SKAP1: variants seen among roughly 807,000 people sequenced by gnomAD.
The protein encoded by SKAP1 is src kinase-associated phosphoprotein 1.
A neutral mutation model predicts 58.5 loss-of-function variants in SKAP1; 44 were observed. That is an observed-to-expected ratio of 0.75 (90% CI 0.59 to 0.97). The LOEUF is 0.97. Ranked by LOEUF, SKAP1 falls within the 50% of genes least tolerant of loss-of-function variation. The probability of loss-of-function intolerance (pLI) is 0.00; values close to 1 mark genes in which losing one functional copy is unlikely to be tolerated. For synonymous variants in SKAP1, 127 were observed against 149.7 expected (o/e 0.85, Z 1.11); for missense variants, 390 against 435.2 (o/e 0.90, Z 0.92).
chr17:48,183,162 G>A (rs933901888), intron 7 of SKAP1, among the ~76,000 whole-genome samples: 2 of 152,136 alleles, frequency 1.3e-5, no homozygotes, highest in Non-Finnish European at 2.9e-5. Context: ...CAAAAGGAGT[G>A]GGGGATTCTT....
intron 4 of SKAP1, among the ~76,000 whole-genome samples, chr17:48,261,532 G>C (rs1223733882): frequency 1.3e-5 from 2 of 152,144 alleles, no homozygotes; most frequent in African/African-American, 2.4e-5. Context: ...CTGTGTGATG[G>C]GCGGTCACCT....
chr17:48,237,796 G>A (rs1215734726), intron 4 of SKAP1, among the ~76,000 whole-genome samples: 3 of 152,138 alleles, frequency 2.0e-5, no homozygotes, highest in Admixed American at 2.0e-4. Flanking sequence ...AAGAGAGATA[G>A]AATCTAGGAC....
intron 4 of SKAP1, chr17:48,248,831 T>C (rs1302338192): frequency 1.3e-5 from 2 of 152,160 alleles, no homozygotes; most frequent in Admixed American, 1.3e-4. Context: ...TTTCTATCAA[T>C]GAACAGGGTT....
At chr17:48,292,387 C>A (rs1300480230) in intron 4 of SKAP1, among the ~76,000 whole-genome samples, 4 of 151,954 alleles carry the variant, frequency 2.6e-5, no homozygotes, top group South Asian at 2.1e-4. Flanking sequence ...CTGGCTGATT[C>A]AAAATCTGAT....
intron 3 of SKAP1, among the ~76,000 whole-genome samples, chr17:48,352,202 A>C (rs2066811549): frequency 6.6e-6 from 1 of 152,092 alleles, no homozygotes; most frequent in Non-Finnish European, 1.5e-5. Flanking sequence ...AACAAACTGT[A>C]GGGCTGGCAG....
the SKAP1 span, among the ~76,000 whole-genome samples, chr17:48,440,801 C>G: frequency 1.3e-5 from 2 of 152,186 alleles, no homozygotes; most frequent in Admixed American, 6.5e-5. Flanking sequence ...AGGACTTCCC[C>G]ACCTCTATCC....
intron 1 of SKAP1, among the ~76,000 whole-genome samples, chr17:48,418,419 A>C (rs1281653444): frequency 6.6e-6 from 1 of 152,252 alleles, no homozygotes; most frequent in Non-Finnish European, 1.5e-5. Flanking sequence ...GGGCCATGAC[A>C]TCAACCAGAA....
intron 4 of SKAP1, among the ~76,000 whole-genome samples, chr17:48,246,059 A>G (rs1043382776): frequency 6.6e-6 from 1 of 152,204 alleles, no homozygotes; most frequent in Admixed American, 6.5e-5. Flanking sequence ...ACGGGTTGCT[A>G]TAAATTAAAA....
chr17:48,252,275 A>AC (rs1354765627), intron 4 of SKAP1, among the ~76,000 whole-genome samples: 1 of 152,226 alleles, frequency 6.6e-6, no homozygotes, highest in African/African-American at 2.4e-5. Context: ...AGAGAAGAGC[A>AC]CACACATGAG....
At chr17:48,438,007 A>G in the SKAP1 span, among the ~76,000 whole-genome samples, 1 of 152,124 alleles carries the variant, frequency 6.6e-6, no homozygotes, top group East Asian at 1.9e-4. Flanking sequence ...TCCCACATCC[A>G]ATTTCCCCAC....
chr17:48,145,058 A>C lies in SKAP1; in HGVS notation c.979-7721T>G, dbSNP rs75827525. The stretch of plus-strand genomic sequence containing the variant: ...GAATATAAAAAGTTATTAAAAAAAA[A>C]CCCACAAACCTTTCCATCAGGGCTT... On this transcript the variant is annotated intron_variant, in intron 11 of 12. Transcript: ENST00000336915. Among the ~76,000 whole-genome samples, 1,170 of 152,252 alleles carry C rather than the reference A, an allele frequency of 7.7e-3. 10 individuals carry two copies. The highest frequency in any genetic ancestry group is 0.033 in the East Asian group (169 of 5,194).
At chr17:48,208,513 G>A (rs1254034643) in intron 4 of SKAP1, among the ~76,000 whole-genome samples, 1 of 152,154 alleles carries the variant, frequency 6.6e-6, no homozygotes, top group African/African-American at 2.4e-5. Context: ...CTGTAACTGG[G>A]AGAGCTGTTC....
At chr17:48,402,422 C>T (rs546518521) in intron 1 of SKAP1, among the ~76,000 whole-genome samples, 39 of 152,148 alleles carry the variant, frequency 2.6e-4, no homozygotes, top group African/African-American at 9.4e-4. Context: ...CTCTGCCTCC[C>T]GGATTCAAGT....
chr17:48,378,038 CT>C (rs2067172432), intron 2 of SKAP1, among the ~76,000 whole-genome samples: 1 of 152,114 alleles, frequency 6.6e-6, no homozygotes, highest in Non-Finnish European at 1.5e-5. Context: ...TTTTCTATTA[CT>C]ATATATATCC....
intron 4 of SKAP1, among the ~76,000 whole-genome samples, chr17:48,299,027 A>G (rs2066022569): frequency 6.6e-6 from 1 of 152,220 alleles, no homozygotes; most frequent in African/African-American, 2.4e-5. Flanking sequence ...CATAAGGAAC[A>G]TTCGTATTTA....
At chr17:48,363,241 T>C (rs1310047891) in intron 3 of SKAP1, among the ~76,000 whole-genome samples, 1 of 152,054 alleles carries the variant, frequency 6.6e-6, no homozygotes, top group African/African-American at 2.4e-5. Flanking sequence ...AAAACAATGG[T>C]TTGAAAGCAA....
chr17:48,162,330 A>G, intron 11 of SKAP1, 139 bp downstream of exon 11: 1 of 546,788 alleles, frequency 1.8e-6, no homozygotes, highest in Non-Finnish European at 3.1e-6. Flanking sequence ...AACTTTTCCT[A>G]ACAATTATGA....
intron 3 of SKAP1, among the ~76,000 whole-genome samples, chr17:48,352,535 A>T (rs2066815561): frequency 6.6e-6 from 1 of 152,138 alleles, no homozygotes; most frequent in African/African-American, 2.4e-5. Flanking sequence ...GGGCCACTGT[A>T]TTCTCAGTCC....
intron 4 of SKAP1, among the ~76,000 whole-genome samples, chr17:48,286,286 A>C (rs944246387): frequency 6.6e-6 from 1 of 152,264 alleles, no homozygotes; most frequent in African/African-American, 2.4e-5. Flanking sequence ...ATAGGGATGC[A>C]TATAAGAAAT....
Sources: allele counts gnomAD v4.1 joint callset (sites outside exome capture counted in the v4.1 genomes callset), GRCh38; gene constraint gnomAD v4.1.1; transcripts MANE v1.5; gene names NCBI Gene and HGNC (gene_info 2026-07-23, HGNC 2026-07-21).